The following SLC9A9 variants were observed in gnomAD, a reference collection of about 807,000 sequenced individuals.
SLC9A9 encodes the protein solute carrier family 9 member A9.
Under a neutral mutation model 77.8 loss-of-function variants are expected in SLC9A9, and 62 were observed. That is an observed-to-expected ratio of 0.80 (90% CI 0.65 to 0.98). SLC9A9 has a LOEUF of 0.98. SLC9A9 is among the 50% of genes least tolerant of loss of function. The pLI is 0.00. For missense variants in SLC9A9, 775 were observed against 774.9 expected (o/e 1.00, Z 0.00); for synonymous variants, 320 against 283.5 (o/e 1.13, Z -1.29).
intron 4 of SLC9A9, among the ~76,000 whole-genome samples, chr3:143,700,790 G>A (rs1398708570): frequency 3.9e-5 from 6 of 152,260 alleles, no homozygotes. Context: ...TCCACCTGCT[G>A]ATGGTGGAGC....
At chr3:143,743,241 GGATAGATA>G (rs71140453) in intron 4 of SLC9A9, among the ~76,000 whole-genome samples, 26,803 of 131,964 alleles carry the variant, frequency 0.2, 3,011 homozygotes, top group Non-Finnish European at 0.25. Flanking sequence ...ATGGATGGAT[GGATAGATA>G]GATAGATAGA....
chr3:143,676,423 C>T (rs2108769463), intron 5 of SLC9A9, among the ~76,000 whole-genome samples: 1 of 151,920 alleles, frequency 6.6e-6, no homozygotes, highest in Non-Finnish European at 1.5e-5. Context: ...AACAAAAACA[C>T]ATGTTATGTA....
At position 143,467,198 on chromosome 3, in the gene SLC9A9, G is replaced by GA. The variant is rs2035296335; in HGVS notation, c.1316-9dup. ...CGATCGCTCCTCGCAAACCTTGCAG[G>GA]AAAAACCAAAGGAGAAAATAAATGC... On this transcript the variant is annotated splice_polypyrimidine_tract_variant and intron_variant, in intron 11 of 15. Coordinates refer to ENST00000316549, the MANE Select transcript of SLC9A9 (RefSeq NM_173653.4). 6.8e-6 allele frequency: 11 copies of GA among 1,614,084 alleles called. No homozygotes were observed. The highest frequency in any genetic ancestry group is 9.3e-6 in the Non-Finnish European group (11 of 1,180,002).
intron 11 of SLC9A9, among the ~76,000 whole-genome samples, chr3:143,492,850 A>G (rs2108590163): frequency 6.6e-6 from 1 of 152,326 alleles, no homozygotes; most frequent in Admixed American, 6.5e-5. Context: ...TCCCCCAATA[A>G]CTGCCTCTGA....
intron 11 of SLC9A9, among the ~76,000 whole-genome samples, chr3:143,475,105 A>G (rs1300685957): frequency 1.3e-5 from 2 of 151,490 alleles, no homozygotes; most frequent in Non-Finnish European, 2.9e-5. Context: ...ACTACAGGCA[A>G]ACACTACCAC....
chr3:143,647,342 G>A (rs1030426870), intron 6 of SLC9A9, among the ~76,000 whole-genome samples: 12 of 152,108 alleles, frequency 7.9e-5, no homozygotes, highest in Admixed American at 2.6e-4. Flanking sequence ...TTTATCATTC[G>A]TCATTTAATT....
At chr3:143,670,301 G>T (rs745523366) in intron 5 of SLC9A9, among the ~76,000 whole-genome samples, 1 of 152,190 alleles carries the variant, frequency 6.6e-6, no homozygotes, top group Non-Finnish European at 1.5e-5. Context: ...CAAATCATGC[G>T]GATGGAGCCC....
chr3:143,498,357 C>T (rs1156503081), intron 9 of SLC9A9, among the ~76,000 whole-genome samples: 2 of 152,098 alleles, frequency 1.3e-5, no homozygotes, highest in East Asian at 3.9e-4. Flanking sequence ...AGAAATGTTG[C>T]AGCCTGGCCA....
intron 4 of SLC9A9, among the ~76,000 whole-genome samples, chr3:143,702,037 AC>A (rs1002241635): frequency 1.2e-4 from 18 of 152,164 alleles, no homozygotes; most frequent in Admixed American, 1.2e-3. Context: ...AAGGAAAGAA[AC>A]TTTTACCCTA....
intron 6 of SLC9A9, among the ~76,000 whole-genome samples, chr3:143,636,332 CTT>C: frequency 6.6e-6 from 1 of 152,310 alleles, no homozygotes; most frequent in Admixed American, 6.5e-5. Context: ...AAGCTACTGA[CTT>C]TTGTCTGTCA....
chr3:143,269,593 A>G (rs1372462862), intron 14 of SLC9A9, among the ~76,000 whole-genome samples: 1 of 152,200 alleles, frequency 6.6e-6, no homozygotes, highest in Admixed American at 6.5e-5. Flanking sequence ...TGCTCTAACA[A>G]GAGAAAAACT....
At chr3:143,558,015 C>T (rs912628511) in intron 8 of SLC9A9, among the ~76,000 whole-genome samples, 6 of 152,228 alleles carry the variant, frequency 3.9e-5, no homozygotes, top group African/African-American at 9.6e-5. Flanking sequence ...GGCCTGGAGG[C>T]CTAGGAGAAA....
intron 12 of SLC9A9, among the ~76,000 whole-genome samples, chr3:143,455,610 A>G (rs1272508143): frequency 6.6e-6 from 1 of 152,136 alleles, no homozygotes; most frequent in Non-Finnish European, 1.5e-5. Flanking sequence ...TTTGTTTTCA[A>G]TATACAGATC....
chr3:143,777,646 T>C (rs944379563), intron 4 of SLC9A9, among the ~76,000 whole-genome samples: 3 of 152,038 alleles, frequency 2.0e-5, no homozygotes, highest in African/African-American at 7.2e-5. Flanking sequence ...TTTCTCAAAC[T>C]CTCTGTGGTG....
chr3:143,413,622 T>C (rs986406710), intron 12 of SLC9A9, among the ~76,000 whole-genome samples: 1 of 152,142 alleles, frequency 6.6e-6, no homozygotes, highest in African/African-American at 2.4e-5. Flanking sequence ...GACTCGGGAA[T>C]GAGCAAAGAA....
At chr3:143,322,923 C>T (rs912185420) in intron 14 of SLC9A9, among the ~76,000 whole-genome samples, 1 of 151,714 alleles carries the variant, frequency 6.6e-6, no homozygotes, top group South Asian at 2.1e-4. Flanking sequence ...TCCAAAAAAA[C>T]AAAACAAAAC....
At chr3:143,826,137 T>C (rs1244994427) in intron 2 of SLC9A9, among the ~76,000 whole-genome samples, 1 of 151,938 alleles carries the variant, frequency 6.6e-6, no homozygotes, top group Non-Finnish European at 1.5e-5. Context: ...CACATACCTG[T>C]AGTCCCAGCT....
intron 4 of SLC9A9, among the ~76,000 whole-genome samples, chr3:143,762,208 GA>G (rs1247962880): frequency 8.5e-5 from 13 of 152,108 alleles, no homozygotes; most frequent in Non-Finnish European, 1.9e-4. Context: ...GGGGGAGGGG[GA>G]AGGGATAGCA....
intron 12 of SLC9A9, among the ~76,000 whole-genome samples, chr3:143,420,275 G>A (rs200237828): frequency 3.8e-5 from 1 of 26,306 alleles, no homozygotes; most frequent in African/African-American, 1.4e-4. Context: ...CTTTAGGGAC[G>A]TAGTAAGGAT....
Sources: allele counts gnomAD v4.1 joint callset (sites outside exome capture counted in the v4.1 genomes callset), GRCh38; gene constraint gnomAD v4.1.1; transcripts MANE v1.5; gene names NCBI Gene and HGNC (gene_info 2026-07-23, HGNC 2026-07-21).